NAAA: variants seen among roughly 807,000 people sequenced by gnomAD.
NAAA encodes the protein N-acylethanolamine-hydrolyzing acid amidase.
A neutral mutation model predicts 44.8 loss-of-function variants in NAAA; 39 were observed. That is an observed-to-expected ratio of 0.87 (90% CI 0.67 to 1.14). The LOEUF is 1.14. Among genes scored for constraint, NAAA ranks in the 50% most tolerant of loss-of-function variants. The probability of loss-of-function intolerance (pLI) is 0.00; values close to 1 mark genes in which losing one functional copy is unlikely to be tolerated. For missense variants in NAAA, 460 were observed against 467.8 expected (o/e 0.98, Z 0.15); for synonymous variants, 178 against 191.3 (o/e 0.93, Z 0.58).
chr4:75,938,064 T>C (rs1335917460), intron 2 of NAAA, among the ~76,000 whole-genome samples: 2 of 152,218 alleles, frequency 1.3e-5, no homozygotes, highest in Non-Finnish European at 2.9e-5. Context: ...GCCACCTGAC[T>C]TCCAGCAAGG....
Position 75,940,892 on chromosome 4 carries a change from G to T in NAAA, c.58C>A (p.Leu20Met). 1 of 1,464,044 alleles carries T rather than the reference G, an allele frequency of 6.8e-7. No individual in the cohort carries two copies. The allele number at this position is 1,464,044 out of a possible 1,614,324, so 90.7% of individuals were successfully genotyped here. Residue 20 changes from leucine (L) to methionine (M), a missense_variant, in exon 1 of 11, where the codon CTG (leucine) becomes ATG (methionine). Coordinates refer to ENST00000286733, the MANE Select transcript of NAAA (RefSeq NM_014435.4). ...PGLPSLLLLL[L>M]AGAGLSAASP... ...GCGGCTGACAGCCCGGCCCCGGCCA[G>T]CAGCAGCAGCAGCAGGGACGGAAGC...
intron 7 of NAAA, among the ~76,000 whole-genome samples, chr4:75,920,249 T>C (rs1032114070): frequency 1.3e-5 from 2 of 152,226 alleles, no homozygotes; most frequent in African/African-American, 4.8e-5. Context: ...TGTGGGGTAG[T>C]AAAGCCAAGG....
Position 75,936,206 on chromosome 4 carries a change from G to C in NAAA, c.401C>G (p.Ser134Cys), listed in dbSNP as rs1560519258. ...VFCTSIVAQDSRGHIYHGRNL... is the reference protein window; with the variant it reads ...VFCTSIVAQDCRGHIYHGRNL... ...CCGACCATGGTAAATGTGGCCTCTGGAGTCTTGAGCCACAATACTGGTGCA... is the reference window on the plus strand; with the variant it reads ...CCGACCATGGTAAATGTGGCCTCTGCAGTCTTGAGCCACAATACTGGTGCA... Residue 134 changes from serine (S) to cysteine (C), a missense_variant, in exon 3 of 11, where the codon TCC (serine) becomes TGC (cysteine). Transcript: ENST00000286733. The C allele has an allele frequency of 7.4e-6, 12 of 1,613,828 alleles. No individual in the cohort carries two copies. The South Asian group carries it at 7.7e-5, about 10-fold the overall frequency.
In NAAA at chr4:75,914,099, G is replaced by A; in HGVS notation, c.*276C>T. 2 of 985,510 alleles carry A rather than the reference G, an allele frequency of 2.0e-6. No individual in the cohort carries two copies. Among genetic ancestry groups the A allele is most frequent in the South Asian group, 4.7e-5 (1 of 21,282 alleles). The allele number at this position is 985,510 out of a possible 1,614,324, so 61.0% of individuals were successfully genotyped here. On this transcript the variant is annotated 3_prime_UTR_variant, in exon 11 of 11. Coordinates refer to ENST00000286733, the MANE Select transcript of NAAA (RefSeq NM_014435.4). ...GATCTCTGAGACCAATTATCTTTGA[G>A]TTATTCAGGCCAGGATAGAAGCTTA...
downstream of NAAA, among the ~76,000 whole-genome samples, chr4:75,912,555 A>G (rs74510643): frequency 1.0e-5 from 1 of 100,372 alleles, no homozygotes; most frequent in South Asian, 2.8e-4. Context: ...CTCTGTCTGG[A>G]AAAAAAAAAA....
chr4:75,939,971 C>T (rs1178331876), intron 2 of NAAA, 30 bp downstream of exon 2: 10 of 1,610,206 alleles, frequency 6.2e-6, no homozygotes, highest in Non-Finnish European at 8.5e-6. Context: ...GCAAGCCCCG[C>T]GTTACTCCGC....
At chr4:75,926,405 A>T (rs1157748686) in intron 4 of NAAA, among the ~76,000 whole-genome samples, 2 of 151,872 alleles carry the variant, frequency 1.3e-5, no homozygotes, top group African/African-American at 4.8e-5. Context: ...TATTAAAAAT[A>T]TAAAAATTAG....
downstream of NAAA, among the ~76,000 whole-genome samples, chr4:75,910,699 C>T (rs1457703376): frequency 6.6e-6 from 1 of 152,130 alleles, no homozygotes; most frequent in Non-Finnish European, 1.5e-5. Flanking sequence ...CAAAATTGAA[C>T]AAAAGACACA....
chr4:75,938,063 C>G (rs1383275529), intron 2 of NAAA, among the ~76,000 whole-genome samples: 1 of 152,250 alleles, frequency 6.6e-6, no homozygotes, highest in African/African-American at 2.4e-5. Context: ...AGCCACCTGA[C>G]TTCCAGCAAG....
rs1246797996 is a variant in NAAA at position 75,940,856 on chromosome 4, C to A, written c.94G>T (p.Ala32Ser). Residue 32 changes from alanine to serine, a missense_variant, in exon 1 of 11, where the codon GCA becomes TCA. Ala to Ser is a moderately conservative substitution (Grantham distance 99). Transcript: ENST00000286733. ...GAGLSAASPP[A>S]APRFNVSLDS... is the part of the protein sequence containing the mutation. ...AGGCTCACGTTGAAGCGCGGCGCTG[C>A]TGGGGGCGAGGCGGCTGACAGCCCG... 1 of 1,582,880 alleles carries A rather than the reference C, an allele frequency of 6.3e-7. No individual in the cohort carries two copies. The highest frequency in any genetic ancestry group is 1.1e-5 in the South Asian group (1 of 88,788).
At chr4:75,924,199 C>G (rs1260555083) in intron 5 of NAAA, among the ~76,000 whole-genome samples, 1 of 152,182 alleles carries the variant, frequency 6.6e-6, no homozygotes. Context: ...TAAGGTATCA[C>G]CCCAGACAAA....
At chr4:75,928,838 A>C (rs181144014) in intron 4 of NAAA, among the ~76,000 whole-genome samples, 19 of 148,702 alleles carry the variant, frequency 1.3e-4, no homozygotes, top group Non-Finnish European at 2.7e-4. Context: ...CCCATGCTGG[A>C]GTGCAGTGGC....
At chr4:75,917,544 C>A (rs758594303) in intron 9 of NAAA, 6 of 172,492 alleles carry the variant, frequency 3.5e-5, no homozygotes, top group South Asian at 1.1e-4. Context: ...AGCTCACTTG[C>A]AGCCTCGACT....
chr4:75,931,727 T>C (rs758257349), intron 3 of NAAA, among the ~76,000 whole-genome samples: 2 of 152,262 alleles, frequency 1.3e-5, no homozygotes, highest in Non-Finnish European at 2.9e-5. Context: ...TTTGAAATCA[T>C]GGTAGTTATT....
At chr4:75,928,458 G>A (rs1726931946) in intron 4 of NAAA, among the ~76,000 whole-genome samples, 1 of 152,206 alleles carries the variant, frequency 6.6e-6, no homozygotes, top group African/African-American at 2.4e-5. Flanking sequence ...ATGATTTCTG[G>A]TAGCAATTGG....
chr4:75,940,167 T>G lies in NAAA; in HGVS notation c.207-2A>C. The G allele has an allele frequency of 6.2e-7, 1 of 1,612,244 alleles. No individual in the cohort carries two copies. Among genetic ancestry groups the G allele is most frequent in the Non-Finnish European group, 8.5e-7 (1 of 1,178,760 alleles). On this transcript the variant is annotated splice_acceptor_variant, in intron 1 of 10. Coordinates refer to ENST00000286733, the MANE Select transcript of NAAA (RefSeq NM_014435.4). LOFTEE classifies it high-confidence loss of function. Reference sequence around the variant, plus strand: ...TGCACCCACTTGGGGACTCTGTCCCTAGAAACAAAAAGCACAAGGGCGTCT... The same window carrying G: ...TGCACCCACTTGGGGACTCTGTCCCGAGAAACAAAAAGCACAAGGGCGTCT...
chr4:75,917,162 T>A, intron 9 of NAAA: 2 of 855,378 alleles, frequency 2.3e-6, no homozygotes, highest in Non-Finnish European at 2.8e-6. Context: ...AAAAAATGAC[T>A]ATTAAAAGGG....
chr4:75,929,719 G>C (rs996690875), intron 4 of NAAA, among the ~76,000 whole-genome samples: 1 of 152,168 alleles, frequency 6.6e-6, no homozygotes, highest in Non-Finnish European at 1.5e-5. Context: ...TTAGGATAAA[G>C]AACTGCTTAC....
rs538855890 is a variant in NAAA, at chr4:75,931,194, C to T, written c.589+20G>A. The T allele has an allele frequency of 3.1e-6, 5 of 1,597,524 alleles. No homozygotes were observed. The South Asian group carries it at 4.4e-5, about 14-fold the overall frequency. On this transcript the variant is annotated intron_variant, in intron 4 of 10. Coordinates refer to ENST00000286733, the MANE Select transcript of NAAA (RefSeq NM_014435.4). ...GAACAATAATGTAGCTAAAATTACA[C>T]AGGGGTTTGTTTTGATTACCTCGTT...
Sources: gnomAD v4.1 joint callset for allele counts (sites outside exome capture counted in the v4.1 genomes callset) on GRCh38, gnomAD v4.1.1 for gene constraint, MANE v1.5 for transcripts, NCBI Gene and HGNC (gene_info 2026-07-23, HGNC 2026-07-21) for gene names.